TMEM135: variants seen among roughly 807,000 people sequenced by gnomAD.
The protein encoded by TMEM135 is peroxisomal membrane protein 52.
A neutral mutation model predicts 60.3 loss-of-function variants in TMEM135; 30 were observed. The observed-to-expected ratio is 0.50, with a 90% confidence interval of 0.37 to 0.68. The LOEUF is 0.68. TMEM135 is among the 30% of genes least tolerant of loss of function. The pLI, the probability that TMEM135 is intolerant of heterozygous loss-of-function variation, is 0.00. For missense variants in TMEM135, 468 were observed against 548.8 expected, an observed-to-expected ratio of 0.85 and a Z score of 1.47; for synonymous variants, 190 against 186.7, an observed-to-expected ratio of 1.02 and a Z score of -0.14.
At chr11:87,262,514 C>T (rs1941672472) in intron 6 of TMEM135, among the ~76,000 whole-genome samples, 1 of 152,080 alleles carries the variant, frequency 6.6e-6, no homozygotes, top group African/African-American at 2.4e-5. Context: ...TTTCGATTTC[C>T]TACCTCTACC....
chr11:87,073,718 A>G (rs1387043822), intron 3 of TMEM135, among the ~76,000 whole-genome samples: 3 of 151,136 alleles, frequency 2.0e-5, no homozygotes, highest in African/African-American at 7.3e-5. Context: ...CCCAGGCTGG[A>G]GTGCAATGGT....
chr11:87,308,576 T>C (rs565824262), intron 9 of TMEM135, among the ~76,000 whole-genome samples: 191 of 151,436 alleles, frequency 1.3e-3, no homozygotes, highest in African/African-American at 4.4e-3. Context: ...CTGCTATGAG[T>C]GTAGATATTT....
chr11:87,081,152 A>G (rs973465904), intron 3 of TMEM135, among the ~76,000 whole-genome samples: 1 of 151,126 alleles, frequency 6.6e-6, no homozygotes, highest in African/African-American at 2.4e-5. Context: ...CTATTCTGCT[A>G]GTGTTAGCCT....
chr11:87,308,441 G>A (rs117417874), intron 9 of TMEM135, among the ~76,000 whole-genome samples: 5,507 of 152,214 alleles, frequency 0.036, 94 homozygotes, highest in Admixed American at 0.046. Context: ...ATTTGATTTT[G>A]TGTTTTAATA....
chr11:87,309,411 TG>T, intron 9 of TMEM135, 93 bp from the exon 10 acceptor site: 1 of 1,324,852 alleles, frequency 7.5e-7, no homozygotes, highest in South Asian at 1.2e-5. Flanking sequence ...AAATTTGTTT[TG>T]TCTTGTTTCT....
At chr11:87,116,307 T>C (rs1176631789) in intron 4 of TMEM135, among the ~76,000 whole-genome samples, 1 of 152,206 alleles carries the variant, frequency 6.6e-6, no homozygotes, top group Non-Finnish European at 1.5e-5. Context: ...GCGATGATAT[T>C]GAAAGCCTGT....
intron 6 of TMEM135, among the ~76,000 whole-genome samples, chr11:87,254,531 G>T (rs1941483497): frequency 1.3e-5 from 2 of 152,018 alleles, no homozygotes; most frequent in Admixed American, 1.3e-4. Context: ...AATCCTACAA[G>T]AACATAATAT....
At chr11:87,081,684 GT>G (rs35028039) in intron 3 of TMEM135, among the ~76,000 whole-genome samples, 79,310 of 143,330 alleles carry the variant, frequency 0.55, 22,190 homozygotes, top group East Asian at 0.7. Flanking sequence ...ATAGCTGAGG[GT>G]TTTTTTTTTT....
intron 4 of TMEM135, chr11:87,095,453 T>C (rs1284883981): frequency 4.9e-6 from 1 of 203,234 alleles, no homozygotes; most frequent in East Asian, 1.1e-4. Context: ...GGGCATAGTT[T>C]GGCCAGTTCT....
At chr11:87,149,562 A>C (rs992492339) in intron 4 of TMEM135, among the ~76,000 whole-genome samples, 2 of 152,216 alleles carry the variant, frequency 1.3e-5, no homozygotes, top group African/African-American at 4.8e-5. Flanking sequence ...TTAAACAGGA[A>C]TCTTTCTCAG....
chr11:87,097,599 C>G (rs146541908), intron 4 of TMEM135, among the ~76,000 whole-genome samples: 8 of 152,228 alleles, frequency 5.3e-5, no homozygotes, highest in Non-Finnish European at 7.4e-5. Flanking sequence ...TTGCAAGAAG[C>G]CTGTGGTTAT....
intron 4 of TMEM135, among the ~76,000 whole-genome samples, chr11:87,135,877 T>A (rs898980014): frequency 6.6e-6 from 1 of 152,052 alleles, no homozygotes; most frequent in Admixed American, 6.5e-5. Flanking sequence ...GAAAATTGAA[T>A]AGTTCTGTAT....
intron 5 of TMEM135, among the ~76,000 whole-genome samples, chr11:87,179,745 T>G (rs1939467807): frequency 6.6e-6 from 1 of 152,212 alleles, no homozygotes; most frequent in Non-Finnish European, 1.5e-5. Context: ...TCAGGATTTA[T>G]GTCTAGAATT....
intron 6 of TMEM135, among the ~76,000 whole-genome samples, chr11:87,273,056 A>G (rs1423812365): frequency 6.6e-6 from 1 of 152,090 alleles, no homozygotes; most frequent in African/African-American, 2.4e-5. Flanking sequence ...ATTATTGTTT[A>G]AAAACCTCTT....
chr11:87,060,429 G>A (rs1949934823), intron 1 of TMEM135, among the ~76,000 whole-genome samples: 1 of 152,062 alleles, frequency 6.6e-6, no homozygotes, highest in Non-Finnish European at 1.5e-5. Context: ...GTTTTTCTCT[G>A]AGAATAGGCA....
Position 87,157,376 on chromosome 11 carries a change from A to G in TMEM135, c.432A>G (p.Arg144=). The change falls in exon 5 of 15, where the codon AGA becomes AGG. Residue 144 remains arginine, a synonymous_variant. Transcript: ENST00000305494. The part of the protein sequence containing the change: ...TETLFRMGVA[R]GTITTLRNGE... ...CACTATTCAGAATGGGTGTAGCAAG[A>G]GGAACCATCACAACATTAAGAAATG... 1 of 1,613,326 alleles carries G rather than the reference A, an allele frequency of 6.2e-7. No individual in the cohort carries two copies. Among genetic ancestry groups the G allele is most frequent in the Non-Finnish European group, 8.5e-7 (1 of 1,179,602 alleles).
intron 5 of TMEM135, among the ~76,000 whole-genome samples, chr11:87,168,774 A>G (rs1242088364): frequency 1.3e-5 from 2 of 152,162 alleles, no homozygotes; most frequent in South Asian, 2.1e-4. Context: ...AGAAGAATGT[A>G]TGTTCTGTTG....
intron 5 of TMEM135, among the ~76,000 whole-genome samples, chr11:87,170,957 G>T (rs1383249824): frequency 6.6e-6 from 1 of 152,196 alleles, no homozygotes; most frequent in East Asian, 1.9e-4. Context: ...CCTGCCTGGG[G>T]CTGCTGGCTT....
Position 87,157,320 on chromosome 11 carries a change from T to G in TMEM135, c.397-21T>G, listed in dbSNP as rs201944677. On this transcript the variant is annotated intron_variant, in intron 4 of 14. Coordinates refer to ENST00000305494, the MANE Select transcript of TMEM135 (RefSeq NM_022918.4). ...GATTGTAGATCATATATTTTTGCTG[T>G]TTTTTTTTTTTAATTTACAGGCCAC... 8.0e-6 allele frequency: 3 copies of G among 376,338 alleles called. No individual in the cohort carries two copies. The highest frequency in any genetic ancestry group is 3.4e-6 in the Non-Finnish European group (1 of 293,090). 23.3% of individuals were successfully genotyped at this position (376,338 alleles called of 1,614,324 possible). A position where few individuals can be genotyped will look rare whatever the true frequency, so the allele number is the denominator to read the frequency against.
Sources: allele counts gnomAD v4.1 joint callset (sites outside exome capture counted in the v4.1 genomes callset), GRCh38; gene constraint gnomAD v4.1.1; transcripts MANE v1.5; gene names NCBI Gene and HGNC (gene_info 2026-07-23, HGNC 2026-07-21).